Variants in AHNAK2 observed in about 807,000 individuals in gnomAD.
AHNAK2 encodes the protein AHNAK nucleoprotein 2.
AHNAK2 carries 18 observed loss-of-function variants against 30.7 expected under a neutral mutation model. The ratio of observed to expected loss-of-function variants is 0.59; its 90% confidence interval spans 0.41 to 0.87. The LOEUF is 0.87. Ranked by LOEUF, AHNAK2 falls within the 40% of genes least tolerant of loss-of-function variation. AHNAK2 has a pLI of 0.00. For synonymous variants in AHNAK2, 3,590 were observed against 3,073.8 expected (o/e 1.17, Z -5.56); for missense variants, 8,604 against 7,373.0 (o/e 1.17, Z -6.11).
chr14:104,976,603 C>T (rs887956916), intron 1 of AHNAK2, among the ~76,000 whole-genome samples: 46 of 152,294 alleles, frequency 3.0e-4, no homozygotes, highest in African/African-American at 9.6e-4. Context: ...AAAGCTCCAG[C>T]GAGAGCCACT....
At position 104,948,311 on chromosome 14, in the gene AHNAK2, G is replaced by A. The variant is rs779639993; in HGVS notation, c.7140C>T (p.Gly2380=). The change falls in exon 7 of 7, where the codon GGC becomes GGT. Residue 2380 remains glycine, a synonymous_variant. Transcript: ENST00000333244. The stretch of plus-strand genomic sequence containing the variant: ...CCTCTGGGAGTTTCACATCCACTTG[G>A]CCAGCCTGGACCTCCAGGTCAGCGG... The part of the protein sequence containing the change: ...PPSADLEVQA[G]QVDVKLPEGP... The A allele has an allele frequency of 1.9e-6, 3 of 1,612,364 alleles. No homozygotes were observed. The Admixed American group carries it at 5.0e-5, about 27-fold the overall frequency.
In AHNAK2 at chr14:104,952,011, C is replaced by A; in HGVS notation, c.3440G>T (p.Gly1147Val). Residue 1147 changes from glycine to valine, a missense_variant, in exon 7 of 7, where the codon GGG (glycine) becomes GTG (valine). Transcript: ENST00000333244. ...ATCCTTGTCGGCCAGGGACAGTTCC[C>A]CCTCCAGCCGCGCACTGTCCAGCTT... ...GAKLDSARLE[G>V]ELSLADKDVT... 6.2e-7 allele frequency: 1 copy of A among 1,612,542 alleles called. No homozygotes were observed. The highest frequency in any genetic ancestry group is 8.5e-7 in the Non-Finnish European group (1 of 1,179,660).
chr14:104,978,139 C>T (rs1899644289), intron 1 of AHNAK2, 44 bp downstream of exon 1: 2 of 1,206,036 alleles, frequency 1.7e-6, no homozygotes, highest in Non-Finnish European at 2.1e-6. Context: ...CGCGCGTAGC[C>T]CACCCGCCCC....
Position 104,947,875 on chromosome 14 carries a change from G to T in AHNAK2, c.7576C>A (p.Leu2526Ile), listed in dbSNP as rs371991929. The T allele has an allele frequency of 1.2e-6, 2 of 1,612,534 alleles. No homozygotes were observed. The highest frequency in any genetic ancestry group is 2.7e-5 in the African/African-American group (2 of 74,422). The change falls in exon 7 of 7, where the codon CTC (leucine) becomes ATC (isoleucine). Residue 2526 changes from leucine (L) to isoleucine (I), a missense_variant. By Grantham distance (5) the Leu-to-Ile change is conservative (BLOSUM62 2). Transcript: ENST00000333244. ...TGAATGCTGAGGTCAGTGGCCTTGA[G>T]GTCCCCCTGCATGGAGGAGAGGCTC... ...DGSLSSMQGD[L>I]KATDLSIQPP...
At position 104,955,544 on chromosome 14, in the gene AHNAK2, C is replaced by G. The variant is rs201070648; in HGVS notation, c.405G>C (p.Gly135=). 2.0e-5 allele frequency: 33 copies of G among 1,613,702 alleles called. No individual in the cohort carries two copies. In the African/African-American group the frequency reaches 3.3e-4, roughly 16 times the overall value. The change falls in exon 5 of 7, where the codon GGG becomes GGC. Residue 135 remains glycine (G), a synonymous_variant. Coordinates refer to ENST00000333244, the MANE Select transcript of AHNAK2 (RefSeq NM_138420.4). ...GYSVTGGGDQ[G]IFVKQVLKDS... is the part of the protein sequence containing the mutation. ...CCTTCAGCACTTGCTTGACGAAGATCCCCTGGTCCCCACCACCTGTGACAC... is the reference window on the plus strand; with the variant it reads ...CCTTCAGCACTTGCTTGACGAAGATGCCCTGGTCCCCACCACCTGTGACAC...
At chr14:104,971,734 G>A (rs1315428151) in intron 1 of AHNAK2, among the ~76,000 whole-genome samples, 1 of 152,220 alleles carries the variant, frequency 6.6e-6, no homozygotes, top group Non-Finnish European at 1.5e-5. Context: ...CTTTGCTCTG[G>A]GCAGCCAGGA....
rs567506730 is a variant in AHNAK2 at position 104,948,688 on chromosome 14, C to G, written c.6763G>C (p.Glu2255Gln). Residue 2255 changes from glutamate to glutamine, a missense_variant, in exon 7 of 7, where the codon GAA becomes CAA. Transcript: ENST00000333244. Reference protein sequence around the residue: ...KVPKVDLKGPEIDIKGPKLDL... With the variant: ...KVPKVDLKGPQIDIKGPKLDL... ...AGCTTGGGGCCCTTGATGTCTATTTCGGGGCCCTTGAGGTCCACTTTGGGC... is the reference window on the plus strand; with the variant it reads ...AGCTTGGGGCCCTTGATGTCTATTTGGGGGCCCTTGAGGTCCACTTTGGGC... 280 of 1,604,332 alleles carry G rather than the reference C, an allele frequency of 1.7e-4. 15 individuals carry two copies. The East Asian group carries it at 5.8e-3, about 33-fold the overall frequency.
At chr14:104,961,212 A>G (rs1899126260) in intron 1 of AHNAK2, among the ~76,000 whole-genome samples, 1 of 151,028 alleles carries the variant, frequency 6.6e-6, no homozygotes, top group Admixed American at 6.6e-5. Context: ...ATGGGGATGG[A>G]GTGCAAAAGT....
rs201785226 is a variant in AHNAK2, at chr14:104,946,388, C to G, written c.9063G>C (p.Leu3021=). Residue 3021 remains leucine (L), a synonymous_variant, in exon 7 of 7, where the codon CTG becomes CTC. Transcript: ENST00000333244. ...GCTCAATGCTGATGTCAGTGGTCTT[C>G]AGGTCCCCCTGCATGGAGGGGAGGC... ...EVSLPSMQGD[L]KTTDISIEPP... 119 of 1,610,120 alleles carry G rather than the reference C, an allele frequency of 7.4e-5. 4 individuals are homozygous for G. In the African/African-American group the frequency reaches 8.2e-4, roughly 11 times the overall value.
chr14:104,972,641 G>A (rs1338173622), intron 1 of AHNAK2, among the ~76,000 whole-genome samples: 1 of 152,184 alleles, frequency 6.6e-6, no homozygotes, highest in South Asian at 2.1e-4. Flanking sequence ...AGTGTGGTCC[G>A]CCAAGCCCTG....
chr14:104,945,716 C>T lies in AHNAK2; in HGVS notation c.9735G>A (p.Gln3245=). Residue 3245 remains glutamine (Q), a synonymous_variant, in exon 7 of 7, where the codon CAG becomes CAA. Coordinates refer to ENST00000333244, the MANE Select transcript of AHNAK2 (RefSeq NM_138420.4). The part of the protein sequence containing the change: ...KMPKVDRKGP[Q]IDIKGPKLDL... Reference sequence around the variant, plus strand: ...CCAGCTTGGGGCCCTTGATGTCTATCTGGGGGCCCTTGCGATCTACTTTGG... The same window carrying T: ...CCAGCTTGGGGCCCTTGATGTCTATTTGGGGGCCCTTGCGATCTACTTTGG... 6.2e-7 allele frequency: 1 copy of T among 1,601,742 alleles called. No homozygotes were observed. Among genetic ancestry groups the T allele is most frequent in the African/African-American group, 1.4e-5 (1 of 73,672 alleles).
At chr14:104,970,417 G>A (rs1379462603) in intron 1 of AHNAK2, 1 of 985,448 alleles carries the variant, frequency 1.0e-6, no homozygotes, top group South Asian at 4.7e-5. Flanking sequence ...GAAGAGTGAG[G>A]CAAGCAGGTG....
Position 104,945,197 on chromosome 14 carries a change from C to T in AHNAK2, c.10254G>A (p.Leu3418=), listed in dbSNP as rs752250160. The T allele has an allele frequency of 6.2e-7, 1 of 1,613,152 alleles. No individual in the cohort carries two copies. Among genetic ancestry groups the T allele is most frequent in the Non-Finnish European group, 8.5e-7 (1 of 1,179,664 alleles). ...SPQVDIKGPK[L]DLKVPKAEVT... is the part of the protein sequence containing the mutation. Reference sequence around the variant, plus strand: ...CTTCCGCCTTGGGGACTTTTAGGTCCAGCTTGGGGCCCTTGATGTCCACCT... The same window carrying T: ...CTTCCGCCTTGGGGACTTTTAGGTCTAGCTTGGGGCCCTTGATGTCCACCT... Residue 3418 remains leucine, a synonymous_variant, in exon 7 of 7, where the codon CTG becomes CTA. Coordinates refer to ENST00000333244, the MANE Select transcript of AHNAK2 (RefSeq NM_138420.4).
At chr14:104,970,188 T>C (rs2140882820) in intron 1 of AHNAK2, among the ~76,000 whole-genome samples, 1 of 152,208 alleles carries the variant, frequency 6.6e-6, no homozygotes, top group East Asian at 1.9e-4. Context: ...ACACACCTTG[T>C]ATGGCCTGGG....
In AHNAK2 at chr14:104,941,787, T is replaced by C. The variant is rs751527869; in HGVS notation, c.13664A>G (p.Lys4555Arg). 6.2e-7 allele frequency: 1 copy of C among 1,613,642 alleles called. No individual in the cohort carries two copies. The highest frequency in any genetic ancestry group is 1.1e-5 in the South Asian group (1 of 91,058). ...HLPKVEMPSF[K>R]MPKVDLKGPQ... ...GCCCTTGAGGTCCACTTTGGGCATC[T>C]TGAAACTGGGCATCTCCACCTTGGG... The change falls in exon 7 of 7, where the codon AAG becomes AGG. Residue 4555 changes from lysine to arginine, a missense_variant. Coordinates refer to ENST00000333244, the MANE Select transcript of AHNAK2 (RefSeq NM_138420.4).
In AHNAK2 at chr14:104,950,553, G is replaced by T; in HGVS notation, c.4898C>A (p.Ala1633Glu). The change falls in exon 7 of 7, where the codon GCA becomes GAA. Residue 1633 changes from alanine to glutamate, a missense_variant. Transcript: ENST00000333244. ...CTCCAGCTGCGCACCATCCAGCTTT[G>T]CTCTCGGGGCCTGGACGTCCACCTC... ...SMEVDVQAPRAKLDGAQLEGD... is the reference protein window; with the variant it reads ...SMEVDVQAPREKLDGAQLEGD... 1 of 1,587,190 alleles carries T rather than the reference G, an allele frequency of 6.3e-7. No individual in the cohort carries two copies. Among genetic ancestry groups the T allele is most frequent in the Non-Finnish European group, 8.6e-7 (1 of 1,162,998 alleles).
Position 104,943,009 on chromosome 14 carries a change from G to C in AHNAK2, c.12442C>G (p.Pro4148Ala), listed in dbSNP as rs181864087. The C allele has an allele frequency of 9.3e-6, 15 of 1,613,040 alleles. No homozygotes were observed. The African/African-American group carries it at 2.0e-4, about 22-fold the overall frequency. ...ACGGACGCCTCCATGGACTTGCCTGGGGCCGACACCCCGAATGATGGCATC... is the reference window on the plus strand; with the variant it reads ...ACGGACGCCTCCATGGACTTGCCTGCGGCCGACACCCCGAATGATGGCATC... ...FKMPSFGVSA[P>A]GKSMEASVDV... The change falls in exon 7 of 7, where the codon CCA becomes GCA. Residue 4148 changes from proline to alanine, a missense_variant. Coordinates refer to ENST00000333244, the MANE Select transcript of AHNAK2 (RefSeq NM_138420.4).
rs748271927 is a variant in AHNAK2 at position 104,942,240 on chromosome 14, T to C, written c.13211A>G (p.Asn4404Ser). 1 of 1,612,602 alleles carries C rather than the reference T, an allele frequency of 6.2e-7. No individual in the cohort carries two copies. The highest frequency in any genetic ancestry group is 8.5e-7 in the Non-Finnish European group (1 of 1,179,582). Residue 4404 changes from asparagine (N) to serine (S), a missense_variant, in exon 7 of 7, where the codon AAT becomes AGT. By Grantham distance (46) the Asn-to-Ser change is conservative (BLOSUM62 1). Transcript: ENST00000333244. ...VDLKGPQIDV[N>S]VPKLDLKGPK... ...GCCTTTCAGGTCCAGCTTGGGGACA[T>C]TAACGTCTATCTGGGGACCCTTGAG...
At chr14:104,972,906 G>A (rs528187277) in intron 1 of AHNAK2, among the ~76,000 whole-genome samples, 1 of 152,226 alleles carries the variant, frequency 6.6e-6, no homozygotes, top group South Asian at 2.1e-4. Flanking sequence ...GGTCAGGCTG[G>A]AGGCCCTGGG....
Sources: gnomAD v4.1 joint callset for allele counts (sites outside exome capture counted in the v4.1 genomes callset) on GRCh38, gnomAD v4.1.1 for gene constraint, MANE v1.5 for transcripts, NCBI Gene and HGNC (gene_info 2026-07-23, HGNC 2026-07-21) for gene names.